The following PDE4B variants were observed in gnomAD, a reference collection of about 807,000 sequenced individuals.
The protein encoded by PDE4B is phosphodiesterase 4B.
A neutral mutation model predicts 82.2 loss-of-function variants in PDE4B; 20 were observed. The ratio of observed to expected loss-of-function variants is 0.24; its 90% CI spans 0.17 to 0.35. The LOEUF is 0.35. Ranked by LOEUF, PDE4B falls within the 10% of genes least tolerant of loss-of-function variation. The pLI is 1.00. For missense variants in PDE4B, 655 were observed against 907.2 expected (o/e 0.72, Z 3.57); for synonymous variants, 320 against 318.9 (o/e 1.00, Z -0.04).
At chr1:65,907,048 T>C (rs1647034725) in intron 1 of PDE4B, among the ~76,000 whole-genome samples, 2 of 152,174 alleles carry the variant, frequency 1.3e-5, no homozygotes, top group African/African-American at 4.8e-5. Flanking sequence ...TGTCTAAATA[T>C]TGAGCAACTT....
At chr1:65,967,682 C>A (rs752058804) in intron 3 of PDE4B, among the ~76,000 whole-genome samples, 1 of 151,970 alleles carries the variant, frequency 6.6e-6, no homozygotes, top group Non-Finnish European at 1.5e-5. Context: ...TGGAATACTA[C>A]GCAGCCATAA....
chr1:66,186,754 A>G (rs1292814709), intron 3 of PDE4B, among the ~76,000 whole-genome samples: 1 of 152,208 alleles, frequency 6.6e-6, no homozygotes, highest in Non-Finnish European at 1.5e-5. Flanking sequence ...GGGGTTTTCT[A>G]GATATACAAT....
chr1:65,817,139 C>A (rs1645895811), intron 1 of PDE4B, among the ~76,000 whole-genome samples: 1 of 152,120 alleles, frequency 6.6e-6, no homozygotes, highest in African/African-American at 2.4e-5. Context: ...AAGCAGAGAA[C>A]CAAGAGCCAG....
chr1:66,315,060 G>A (rs2101876960), intron 7 of PDE4B, among the ~76,000 whole-genome samples: 1 of 152,286 alleles, frequency 6.6e-6, no homozygotes, highest in Non-Finnish European at 1.5e-5. Flanking sequence ...GTTAAGTCCA[G>A]GCTCCCAGAC....
chr1:66,046,023 A>C (rs1361338688), intron 3 of PDE4B, among the ~76,000 whole-genome samples: 1 of 151,714 alleles, frequency 6.6e-6, no homozygotes, highest in African/African-American at 2.4e-5. Flanking sequence ...ATTTTAGATG[A>C]ATTATTCTGT....
chr1:66,150,012 C>A (rs1360706926), intron 3 of PDE4B, among the ~76,000 whole-genome samples: 1 of 152,154 alleles, frequency 6.6e-6, no homozygotes, highest in Non-Finnish European at 1.5e-5. Context: ...AAAGACTGTT[C>A]TTTCCCCATT....
At chr1:66,171,787 T>C (rs1281216436) in intron 3 of PDE4B, among the ~76,000 whole-genome samples, 2 of 152,166 alleles carry the variant, frequency 1.3e-5, no homozygotes, top group Non-Finnish European at 1.5e-5. Flanking sequence ...CCCAGCATAG[T>C]TCCTGGCACA....
chr1:65,813,884 G>A (rs2101208201), intron 1 of PDE4B, among the ~76,000 whole-genome samples: 1 of 122,876 alleles, frequency 8.1e-6, no homozygotes, highest in South Asian at 2.8e-4. Flanking sequence ...TAGGCAGTAG[G>A]CACTGCGGCA....
intron 7 of PDE4B, among the ~76,000 whole-genome samples, chr1:66,299,900 A>C (rs1290345247): frequency 6.6e-6 from 1 of 152,108 alleles, no homozygotes; most frequent in Non-Finnish European, 1.5e-5. Context: ...TTCTGCCTTT[A>C]TTTGTAGGAC....
At chr1:66,307,968 AT>A (rs1447369504) in intron 7 of PDE4B, among the ~76,000 whole-genome samples, 1 of 152,074 alleles carries the variant, frequency 6.6e-6, no homozygotes, top group Non-Finnish European at 1.5e-5. Flanking sequence ...TGCACACATT[AT>A]TTTTTTATCC....
At chr1:66,075,705 T>C (rs374089907) in intron 3 of PDE4B, among the ~76,000 whole-genome samples, 4 of 152,064 alleles carry the variant, frequency 2.6e-5, no homozygotes, top group Non-Finnish European at 5.9e-5. Context: ...CTGCCTCAAG[T>C]TGGTCTCTGG....
At chr1:65,930,245 G>A (rs987055807) in intron 3 of PDE4B, among the ~76,000 whole-genome samples, 2 of 152,192 alleles carry the variant, frequency 1.3e-5, no homozygotes, top group Non-Finnish European at 2.9e-5. Flanking sequence ...CAGATTAAGG[G>A]TGAATCCTCT....
chr1:66,185,211 G>A (rs4655822), intron 3 of PDE4B, among the ~76,000 whole-genome samples: 69,862 of 152,030 alleles, frequency 0.46, 16,191 homozygotes, highest in African/African-American at 0.52. Context: ...TGGTGTATAT[G>A]TGCCTCATTT....
At chr1:66,288,303 A>G (rs1178840605) in intron 7 of PDE4B, among the ~76,000 whole-genome samples, 2 of 152,050 alleles carry the variant, frequency 1.3e-5, no homozygotes, top group Non-Finnish European at 2.9e-5. Flanking sequence ...ATGGTGCTAA[A>G]CCATTGATGA....
At chr1:66,300,285 C>T (rs1452920050) in intron 7 of PDE4B, among the ~76,000 whole-genome samples, 1 of 152,114 alleles carries the variant, frequency 6.6e-6, no homozygotes, top group Non-Finnish European at 1.5e-5. Flanking sequence ...TTAATTCTGG[C>T]ACCTCGTCAG....
intron 7 of PDE4B, among the ~76,000 whole-genome samples, chr1:66,308,002 A>G (rs979499008): frequency 5.3e-5 from 8 of 152,148 alleles, no homozygotes; most frequent in African/African-American, 1.9e-4. Context: ...GAAAAATTAG[A>G]TAAATCATAA....
chr1:66,326,773 A>T (rs1371435954), intron 7 of PDE4B, among the ~76,000 whole-genome samples: 1 of 152,220 alleles, frequency 6.6e-6, no homozygotes, highest in African/African-American at 2.4e-5. Flanking sequence ...TAGGAAATTT[A>T]TATTTGGGTA....
chr1:65,897,793 A>C (rs1319809077), intron 1 of PDE4B, among the ~76,000 whole-genome samples: 3 of 152,174 alleles, frequency 2.0e-5, no homozygotes, highest in Non-Finnish European at 4.4e-5. Flanking sequence ...TATGATTAAA[A>C]TATGAGTGCA....
rs1646073460 is a variant in PDE4B, at chr1:65,830,766, C to G, written c.-71+37518C>G. Among the ~76,000 whole-genome samples, 3 of 152,064 alleles carry G rather than the reference C, an allele frequency of 2.0e-5. No homozygotes were observed. In the South Asian group the frequency reaches 6.2e-4, roughly 31 times the overall value. On this transcript the variant is annotated intron_variant, in intron 1 of 16. Coordinates refer to ENST00000341517, the MANE Select transcript of PDE4B (RefSeq NM_002600.4). Reference sequence around the variant, plus strand: ...TGATCCTGGAATAGAGAACAGGACACTAGTGGACATACTAGTGAAATTTGA... The same window carrying G: ...TGATCCTGGAATAGAGAACAGGACAGTAGTGGACATACTAGTGAAATTTGA...
Sources: gnomAD v4.1 joint callset for allele counts (sites outside exome capture counted in the v4.1 genomes callset) on GRCh38, gnomAD v4.1.1 for gene constraint, MANE v1.5 for transcripts, NCBI Gene and HGNC (gene_info 2026-07-23, HGNC 2026-07-21) for gene names.